CFAP221: variants seen among roughly 807,000 people sequenced by gnomAD.
CFAP221 encodes cilia and flagella associated protein 221.
CFAP221 carries 97 observed loss-of-function variants against 113.1 expected under a neutral mutation model. The observed-to-expected ratio is 0.86, with a 90% CI of 0.73 to 1.02. The LOEUF (loss-of-function observed/expected upper bound fraction) is 1.02, where lower values mean the gene tolerates loss of function less well. Ranked by LOEUF, CFAP221 falls within the 50% of genes least tolerant of loss-of-function variation. The probability of loss-of-function intolerance (pLI) is 0.00; values close to 1 mark genes in which losing one functional copy is unlikely to be tolerated. For synonymous variants in CFAP221, 331 were observed against 354.4 expected (o/e 0.93, Z 0.74); for missense variants, 1,025 against 1,013.4 (o/e 1.01, Z -0.16).
At chr2:119,604,397 G>T (rs534300738) in intron 8 of CFAP221, among the ~76,000 whole-genome samples, 1 of 152,084 alleles carries the variant, frequency 6.6e-6, no homozygotes, top group South Asian at 2.1e-4. Context: ...TCATGCCACT[G>T]CATTCCAGCC....
chr2:119,573,475 C>T (rs1357001613), intron 6 of CFAP221: 3 of 152,276 alleles, frequency 2.0e-5, no homozygotes, highest in East Asian at 3.9e-4. Context: ...TACTTTCACC[C>T]CTATTTGGGT....
At chr2:119,573,129 A>G (rs548644441) in intron 6 of CFAP221, 1 of 152,750 alleles carries the variant, frequency 6.5e-6, no homozygotes, top group South Asian at 2.1e-4. Flanking sequence ...AAGAAGGAAG[A>G]TTGATGGTGA....
At chr2:119,564,129 G>A (rs187984833) in intron 6 of CFAP221, among the ~76,000 whole-genome samples, 10 of 152,320 alleles carry the variant, frequency 6.6e-5, no homozygotes, top group Admixed American at 2.6e-4. Context: ...ATGACCGGGT[G>A]GATCAAGTTA....
intron 1 of CFAP221, 47 bp from the exon 2 acceptor site, chr2:119,546,038 T>C (rs2104997596): frequency 1.5e-6 from 2 of 1,307,610 alleles, no homozygotes; most frequent in Non-Finnish European, 2.0e-6. Context: ...AGAAAAAATG[T>C]GCGTGGTTTC....
rs550074336 is a variant in CFAP221, at chr2:119,585,786, A to G, written c.528-1333A>G. Among the ~76,000 whole-genome samples the G allele has an allele frequency of 9.8e-5, 15 of 152,364 alleles. No individual in the cohort carries two copies. In the South Asian group the frequency reaches 3.1e-3, roughly 32 times the overall value. On this transcript the variant is annotated intron_variant, in intron 6 of 23. Transcript: ENST00000413369. ...CAAATATTTATTGAGCCTTTGGTCC[A>G]TGCGACACTCTGGGATACACTGGAG... is the stretch of plus-strand genomic sequence containing the variant.
chr2:119,572,845 C>A, intron 6 of CFAP221: 1 of 388,602 alleles, frequency 2.6e-6, no homozygotes, highest in Non-Finnish European at 4.6e-6. Flanking sequence ...GGCTCTGTAG[C>A]CTGCAGGGCC....
At chr2:119,654,375 A>G (rs971816842) in intron 23 of CFAP221, among the ~76,000 whole-genome samples, 3 of 152,156 alleles carry the variant, frequency 2.0e-5, no homozygotes, top group Non-Finnish European at 4.4e-5. Context: ...TCAAGTTTCA[A>G]AAAACTGACC....
At chr2:119,609,336 C>T (rs967819163) in intron 12 of CFAP221, among the ~76,000 whole-genome samples, 2 of 152,176 alleles carry the variant, frequency 1.3e-5, no homozygotes, top group African/African-American at 4.8e-5. Context: ...TATTAATTGG[C>T]TCAGACTGCC....
At chr2:119,588,891 A>G (rs1460034775) in intron 7 of CFAP221, among the ~76,000 whole-genome samples, 2 of 152,112 alleles carry the variant, frequency 1.3e-5, no homozygotes, top group African/African-American at 4.8e-5. Context: ...GTGAGTGTGG[A>G]TAGAGAAGTG....
chr2:119,556,334 G>A (rs1266265584), intron 3 of CFAP221: 1 of 152,136 alleles, frequency 6.6e-6, no homozygotes, highest in South Asian at 2.1e-4. Flanking sequence ...TTTTCTTCCT[G>A]TTTCTGAGCT....
intron 19 of CFAP221, among the ~76,000 whole-genome samples, chr2:119,636,208 A>G (rs1687103615): frequency 6.6e-6 from 1 of 152,220 alleles, no homozygotes; most frequent in African/African-American, 2.4e-5. Flanking sequence ...CATAGCTGAG[A>G]GTAAATGCTA....
intron 6 of CFAP221, among the ~76,000 whole-genome samples, chr2:119,577,158 C>T (rs1289609388): frequency 6.6e-6 from 1 of 152,124 alleles, no homozygotes; most frequent in East Asian, 1.9e-4. Flanking sequence ...TGGTGGGGGC[C>T]CTCTACCAGC....
intron 19 of CFAP221, among the ~76,000 whole-genome samples, chr2:119,636,823 C>T (rs1467178432): frequency 6.6e-6 from 1 of 152,144 alleles, no homozygotes; most frequent in Non-Finnish European, 1.5e-5. Context: ...CCACTGAGAC[C>T]AGTTACTCTG....
chr2:119,546,471 C>T (rs1466237702), intron 2 of CFAP221, among the ~76,000 whole-genome samples: 1 of 152,162 alleles, frequency 6.6e-6, no homozygotes, highest in African/African-American at 2.4e-5. Context: ...GTAAATTAAT[C>T]AAGTTCTGTT....
At chr2:119,652,120 G>T (rs1055242031) in intron 23 of CFAP221, 51 bp downstream of exon 23, 3 of 1,468,384 alleles carry the variant, frequency 2.0e-6, no homozygotes, top group East Asian at 2.3e-5. Context: ...GATGAAATTT[G>T]TTCTGCATAA....
intron 5 of CFAP221, 133 bp from the exon 6 acceptor site, chr2:119,561,881 A>T: frequency 1.5e-6 from 1 of 667,692 alleles, no homozygotes; most frequent in Non-Finnish European, 2.5e-6. Flanking sequence ...CTAATGTTGT[A>T]GTTAAGCGCT....
intron 8 of CFAP221, 96 bp downstream of exon 8, chr2:119,601,473 T>A: frequency 8.5e-7 from 1 of 1,181,824 alleles, no homozygotes. Flanking sequence ...TAAAAGAATG[T>A]CATCAAAAAC....
chr2:119,581,246 AAC>A (rs1377096757), intron 6 of CFAP221, among the ~76,000 whole-genome samples: 3 of 152,352 alleles, frequency 2.0e-5, no homozygotes, highest in African/African-American at 7.2e-5. Flanking sequence ...AATTATTAAA[AAC>A]AGTTTAATAA....
intron 23 of CFAP221, among the ~76,000 whole-genome samples, chr2:119,654,574 G>A (rs1470434428): frequency 2.0e-5 from 3 of 152,042 alleles, no homozygotes; most frequent in South Asian, 2.1e-4. Flanking sequence ...ATCATTAAAC[G>A]AAATAGAATT....
Sources: gnomAD v4.1 joint callset for allele counts (sites outside exome capture counted in the v4.1 genomes callset) on GRCh38, gnomAD v4.1.1 for gene constraint, MANE v1.5 for transcripts, NCBI Gene and HGNC (gene_info 2026-07-23, HGNC 2026-07-21) for gene names.